C12orf42: variants seen among roughly 807,000 people sequenced by gnomAD.
C12orf42 encodes chromosome 12 open reading frame 42, also known as uncharacterized protein C12orf42.
In C12orf42, 25 loss-of-function variants were observed where a neutral mutation model predicts 21.6. The observed-to-expected ratio is 1.16, with a 90% CI of 0.84 to 1.62. The LOEUF is 1.62. C12orf42 is among the 40% of genes most tolerant of loss of function. The pLI, the probability that C12orf42 is intolerant of heterozygous loss-of-function variation, is 0.00. For synonymous variants in C12orf42, 174 were observed against 175.0 expected (o/e 0.99, Z 0.05); for missense variants, 483 against 459.3 (o/e 1.05, Z -0.47).
chr12:103,422,141 CT>C (rs1226007157), intron 2 of C12orf42, among the ~76,000 whole-genome samples: 9 of 152,204 alleles, frequency 5.9e-5, no homozygotes, highest in African/African-American at 2.2e-4. Context: ...TGAACAATCC[CT>C]TGTTCTATTC....
At chr12:103,507,150 A>ATATATATATAT in the C12orf42 span, among the ~76,000 whole-genome samples, 1 of 20,834 alleles carries the variant, frequency 4.8e-5, no homozygotes, top group Non-Finnish European at 6.5e-5. Context: ...TATATAATAT[A>ATATATATATAT]AATATATATA....
chr12:103,520,036 C>T, the C12orf42 span, among the ~76,000 whole-genome samples: 1 of 152,198 alleles, frequency 6.6e-6, no homozygotes, highest in African/African-American at 2.4e-5. Context: ...GGAGCGGCCA[C>T]AGGCATTCCT....
chr12:103,473,742 C>T (rs1270887160), intron 2 of C12orf42, among the ~76,000 whole-genome samples: 1 of 152,138 alleles, frequency 6.6e-6, no homozygotes, highest in African/African-American at 2.4e-5. Flanking sequence ...GAGCTCACTC[C>T]CAATCCCTGT....
At chr12:103,500,259 T>C (rs1487581064), upstream of C12orf42, among the ~76,000 whole-genome samples, 1 of 152,210 alleles carries the variant, frequency 6.6e-6, no homozygotes, top group African/African-American at 2.4e-5. Context: ...GAAGCATGTT[T>C]GAAAGATATC....
At chr12:103,489,885 C>G (rs1030427987) in intron 1 of C12orf42, among the ~76,000 whole-genome samples, 5 of 152,196 alleles carry the variant, frequency 3.3e-5, no homozygotes, top group African/African-American at 1.2e-4. Flanking sequence ...AAAGGGAAAT[C>G]CCCTGACCCC....
At chr12:103,511,328 T>G in the C12orf42 span, among the ~76,000 whole-genome samples, 20 of 150,734 alleles carry the variant, frequency 1.3e-4, no homozygotes, top group African/African-American at 4.4e-4. Context: ...CATATATTTT[T>G]TATATATTTG....
At chr12:103,205,140 T>G in the C12orf42 span, among the ~76,000 whole-genome samples, 1 of 152,280 alleles carries the variant, frequency 6.6e-6, no homozygotes, top group South Asian at 2.1e-4. Flanking sequence ...TAAGTGTTGA[T>G]GAGGCTGTGG....
intron 2 of C12orf42, among the ~76,000 whole-genome samples, chr12:103,403,612 T>C (rs1317009345): frequency 1.3e-5 from 2 of 152,182 alleles, no homozygotes; most frequent in Non-Finnish European, 2.9e-5. Flanking sequence ...CATACATGCA[T>C]AGCCTTTGAA....
chr12:103,117,208 C>T, the C12orf42 span, among the ~76,000 whole-genome samples: 2 of 152,220 alleles, frequency 1.3e-5, no homozygotes, highest in East Asian at 1.9e-4. Flanking sequence ...CCTACCCTTT[C>T]CAGCCTTTCC....
intron 2 of C12orf42, among the ~76,000 whole-genome samples, chr12:103,433,981 A>T (rs1008252513): frequency 6.6e-6 from 1 of 152,218 alleles, no homozygotes; most frequent in Non-Finnish European, 1.5e-5. Flanking sequence ...GAATTTCTAT[A>T]AGAGTTTTAA....
At chr12:103,525,575 T>G in the C12orf42 span, among the ~76,000 whole-genome samples, 2 of 152,180 alleles carry the variant, frequency 1.3e-5, no homozygotes, top group Middle Eastern at 3.2e-3. Flanking sequence ...AAAATATTAT[T>G]ATTAACAGTA....
the C12orf42 span, among the ~76,000 whole-genome samples, chr12:103,562,441 TATC>T: frequency 5.9e-5 from 9 of 152,192 alleles, no homozygotes; most frequent in East Asian, 5.8e-4. Flanking sequence ...CCAAATGAAT[TATC>T]ATTATCCTCA....
At chr12:103,067,514 A>G in the C12orf42 span, among the ~76,000 whole-genome samples, 1 of 152,168 alleles carries the variant, frequency 6.6e-6, no homozygotes, top group Non-Finnish European at 1.5e-5. Flanking sequence ...TATGCTCTTA[A>G]TCAGCGTCCA....
the C12orf42 span, chr12:103,161,448 T>C: frequency 6.6e-6 from 1 of 152,214 alleles, no homozygotes; most frequent in South Asian, 2.1e-4. Context: ...TGTAGATTTT[T>C]ATATACCTCA....
intron 3 of C12orf42, chr12:103,396,766 T>C (rs1229183973): frequency 6.6e-6 from 1 of 152,178 alleles, no homozygotes; most frequent in Non-Finnish European, 1.5e-5. Flanking sequence ...GGAAGTGTGC[T>C]TGGAGGACTG....
At chr12:103,544,244 C>T in the C12orf42 span, among the ~76,000 whole-genome samples, 1 of 152,104 alleles carries the variant, frequency 6.6e-6, no homozygotes, top group African/African-American at 2.4e-5. Flanking sequence ...TATTCCTAAA[C>T]ATGTCTTTAT....
intron 1 of C12orf42, among the ~76,000 whole-genome samples, chr12:103,488,212 T>A (rs1218223278): frequency 6.6e-6 from 1 of 152,218 alleles, no homozygotes; most frequent in Non-Finnish European, 1.5e-5. Context: ...CCTGCACTTA[T>A]GAAGCTTAGT....
the C12orf42 span, among the ~76,000 whole-genome samples, chr12:103,105,447 A>T: frequency 6.6e-6 from 1 of 152,184 alleles, no homozygotes; most frequent in East Asian, 1.9e-4. Flanking sequence ...GGAGCTAAGC[A>T]TTGAGCACAC....
At chr12:103,530,080 C>T in the C12orf42 span, among the ~76,000 whole-genome samples, 1 of 152,192 alleles carries the variant, frequency 6.6e-6, no homozygotes, top group African/African-American at 2.4e-5. Flanking sequence ...ACAAAGAAGT[C>T]TTCTCTTTAC....
Sources: allele counts gnomAD v4.1 joint callset (sites outside exome capture counted in the v4.1 genomes callset), GRCh38; gene constraint gnomAD v4.1.1; transcripts MANE v1.5; gene names NCBI Gene and HGNC (gene_info 2026-07-23, HGNC 2026-07-21).